Variants in SIPA1L1 observed in about 807,000 individuals in gnomAD.
SIPA1L1 encodes the protein signal-induced proliferation-associated 1-like protein 1.
A neutral mutation model predicts 162.7 loss-of-function variants in SIPA1L1; 26 were observed. The observed-to-expected ratio is 0.16, with a 90% CI of 0.12 to 0.22. The LOEUF is 0.22. Ranked by LOEUF, SIPA1L1 falls within the 10% of genes least tolerant of loss-of-function variation. The probability of loss-of-function intolerance (pLI) is 1.00; values close to 1 mark genes in which losing one functional copy is unlikely to be tolerated. For synonymous variants in SIPA1L1, 829 were observed against 837.4 expected (o/e 0.99, Z 0.17); for missense variants, 1,874 against 2,241.0 (o/e 0.84, Z 3.31).
intron 2 of SIPA1L1, among the ~76,000 whole-genome samples, chr14:71,440,731 A>G (rs1035862377): frequency 3.3e-5 from 5 of 151,578 alleles, no homozygotes; most frequent in Non-Finnish European, 7.4e-5. Context: ...AAGAAAGAAT[A>G]GTTCAGTTTC....
chr14:71,709,486 A>G lies in SIPA1L1; in HGVS notation c.4030A>G (p.Ser1344Gly). The stretch of plus-strand genomic sequence containing the variant: ...GGAGAAAGTGGCACCCCTATGGCAC[A>G]GCTCCAGTGAAGTAATCTCCATGGC... ...GKEKVAPLWH[S>G]SSEVISMADR... Residue 1344 changes from serine to glycine, a missense_variant, in exon 17 of 24, where the codon AGC becomes GGC. This residue lies in a region of SIPA1L1 where 936 missense variants were observed against 1,051.9 expected (regional missense o/e 0.89). Transcript: ENST00000381232. The G allele has an allele frequency of 6.2e-7, 1 of 1,614,222 alleles. No homozygotes were observed. Among genetic ancestry groups the G allele is most frequent in the Non-Finnish European group, 8.5e-7 (1 of 1,180,034 alleles).
At chr14:71,679,686 C>T (rs928841812) in intron 12 of SIPA1L1, among the ~76,000 whole-genome samples, 2 of 152,038 alleles carry the variant, frequency 1.3e-5, no homozygotes, top group African/African-American at 4.8e-5. Flanking sequence ...TTCAGGAGAC[C>T]CATCTCATGT....
intron 4 of SIPA1L1, among the ~76,000 whole-genome samples, chr14:71,580,540 G>A (rs887460878): frequency 2.0e-5 from 3 of 152,156 alleles, no homozygotes; most frequent in Non-Finnish European, 4.4e-5. Context: ...AATCATCTAT[G>A]TGAAATAATT....
chr14:71,504,497 G>T, intron 2 of SIPA1L1, among the ~76,000 whole-genome samples: 1 of 152,024 alleles, frequency 6.6e-6, no homozygotes, highest in Non-Finnish European at 1.5e-5. Flanking sequence ...AACACGTGAG[G>T]GAAGTTGGTA....
intron 4 of SIPA1L1, among the ~76,000 whole-genome samples, chr14:71,535,248 G>C (rs1168845950): frequency 6.6e-6 from 1 of 152,196 alleles, no homozygotes; most frequent in African/African-American, 2.4e-5. Flanking sequence ...GTTAGACTTA[G>C]TGTCTTCTAA....
At chr14:71,667,520 C>T (rs985741626) in intron 10 of SIPA1L1, among the ~76,000 whole-genome samples, 6 of 152,128 alleles carry the variant, frequency 3.9e-5, no homozygotes, top group African/African-American at 9.7e-5. Context: ...TATTAGAAAT[C>T]GAGAGAATGA....
chr14:71,575,291 C>A (rs1451131090), intron 4 of SIPA1L1, among the ~76,000 whole-genome samples: 14 of 152,140 alleles, frequency 9.2e-5, no homozygotes. Context: ...CCTTATCATT[C>A]AGTGTCTTAC....
intron 4 of SIPA1L1, among the ~76,000 whole-genome samples, chr14:71,534,101 G>T (rs1244203364): frequency 3.3e-5 from 5 of 151,062 alleles, no homozygotes; most frequent in Admixed American, 3.3e-4. Context: ...ATAAAAATAA[G>T]AAAAGAGTGC....
At chr14:71,412,270 C>T (rs964943061) in intron 2 of SIPA1L1, among the ~76,000 whole-genome samples, 1 of 152,220 alleles carries the variant, frequency 6.6e-6, no homozygotes, top group Non-Finnish European at 1.5e-5. Context: ...CCAACACAAA[C>T]TTGTAAACTT....
chr14:71,609,677 G>A (rs2037967594), intron 5 of SIPA1L1, among the ~76,000 whole-genome samples: 1 of 151,964 alleles, frequency 6.6e-6, no homozygotes, highest in Non-Finnish European at 1.5e-5. Flanking sequence ...ATGTTGGCCA[G>A]GATGGTCTGC....
At chr14:71,496,897 C>T (rs899563796) in intron 2 of SIPA1L1, among the ~76,000 whole-genome samples, 9 of 152,102 alleles carry the variant, frequency 5.9e-5, no homozygotes, top group South Asian at 2.1e-4. Flanking sequence ...CTGGGCTGGG[C>T]GCGGTGGCTC....
chr14:71,596,997 G>A (rs964384886), intron 5 of SIPA1L1, among the ~76,000 whole-genome samples: 2 of 151,830 alleles, frequency 1.3e-5, no homozygotes, highest in Admixed American at 1.3e-4. Flanking sequence ...TTTTAGACAG[G>A]GTCTTCCACT....
At chr14:71,371,443 A>C (rs1337978623) in intron 2 of SIPA1L1, among the ~76,000 whole-genome samples, 2 of 152,078 alleles carry the variant, frequency 1.3e-5, no homozygotes, top group Admixed American at 1.3e-4. Flanking sequence ...GCTGGAGTGC[A>C]GTGGTGTGAT....
At chr14:71,525,442 C>T (rs920233460) in intron 3 of SIPA1L1, among the ~76,000 whole-genome samples, 25 of 152,326 alleles carry the variant, frequency 1.6e-4, no homozygotes, top group African/African-American at 5.8e-4. Context: ...CTCGGCCTCC[C>T]AAAGTGCTGG....
chr14:71,544,214 T>C (rs2054899321), intron 4 of SIPA1L1, among the ~76,000 whole-genome samples: 1 of 151,204 alleles, frequency 6.6e-6, no homozygotes, highest in Non-Finnish European at 1.5e-5. Context: ...TGCACATGCA[T>C]GTGTATATAC....
chr14:71,624,195 C>G lies in SIPA1L1; in HGVS notation c.1777C>G (p.Pro593Ala). ...VQCLRLAFNTPKVTEQLMKLD... is the reference protein window; with the variant it reads ...VQCLRLAFNTAKVTEQLMKLD... ...GTGCCTGCGGTTGGCCTTCAACACA[C>G]CCAAGGTCACAGAGCAGCTCATGAA... is the stretch of plus-strand genomic sequence containing the variant. The change falls in exon 7 of 24, where the codon CCC (proline) becomes GCC (alanine). Residue 593 changes from proline (P) to alanine (A), a missense_variant. Physicochemically the swap from Pro to Ala is conservative, Grantham distance 27 (BLOSUM62 -1). Coordinates refer to ENST00000381232, the MANE Select transcript of SIPA1L1 (RefSeq NM_001386936.1). 1 of 1,614,006 alleles carries G rather than the reference C, an allele frequency of 6.2e-7. No homozygotes were observed. The highest frequency in any genetic ancestry group is 8.5e-7 in the Non-Finnish European group (1 of 1,179,888).
chr14:71,699,689 C>T (rs1158535547), intron 14 of SIPA1L1, among the ~76,000 whole-genome samples: 1 of 152,082 alleles, frequency 6.6e-6, no homozygotes, highest in Non-Finnish European at 1.5e-5. Context: ...GGTAAGGAGG[C>T]CACAGTAGCT....
intron 4 of SIPA1L1, chr14:71,573,665 A>T (rs1338416008): frequency 2.2e-6 from 1 of 456,712 alleles, no homozygotes; most frequent in Admixed American, 2.3e-5. Context: ...CGAAAGAGAG[A>T]TTGCAGAGCT....
rs190101713 is a variant in SIPA1L1, at chr14:71,350,034, G to A, written c.-465+28853G>A. ...GGTGGGGAGGGCAGGCAGGTGCTGA[G>A]GCTTGGTTATAAGAGCATTTCTGCT... On this transcript the variant is annotated intron_variant, in intron 2 of 23. Coordinates refer to ENST00000381232, the MANE Select transcript of SIPA1L1 (RefSeq NM_001386936.1). Among the ~76,000 whole-genome samples the A allele has an allele frequency of 7.9e-5, 12 of 152,232 alleles. No individual in the cohort carries two copies. The East Asian group carries it at 2.3e-3, about 29-fold the overall frequency.
Sources: allele counts gnomAD v4.1 joint callset (sites outside exome capture counted in the v4.1 genomes callset), GRCh38; gene constraint gnomAD v4.1.1; regional missense constraint gnomAD v4.1.1; transcripts MANE v1.5; gene names NCBI Gene and HGNC (gene_info 2026-07-23, HGNC 2026-07-21).